Variants in CA14 observed in about 807,000 individuals in gnomAD.
The protein encoded by CA14 is carbonic anhydrase 14.
CA14 carries 44 observed loss-of-function variants against 48.8 expected under a neutral mutation model. The observed-to-expected ratio is 0.90, with a 90% confidence interval of 0.71 to 1.16. The LOEUF (loss-of-function observed/expected upper bound fraction) is 1.16, where lower values mean the gene tolerates loss of function less well. Among genes scored for constraint, CA14 ranks in the 50% most tolerant of loss-of-function variants. The pLI is 0.00. For missense variants in CA14, 386 were observed against 401.0 expected (o/e 0.96, Z 0.32); for synonymous variants, 154 against 155.0 (o/e 0.99, Z 0.05).
intron 1 of CA14, among the ~76,000 whole-genome samples, chr1:150,259,163 G>A (rs1268786691): frequency 6.6e-6 from 1 of 152,194 alleles, no homozygotes; most frequent in Non-Finnish European, 1.5e-5. Flanking sequence ...CCTTGGGCTA[G>A]CAGAATAGGT....
At chr1:150,263,567 C>T (rs985387588) in intron 8 of CA14, 92 bp from the exon 9 acceptor site, 42 of 1,611,506 alleles carry the variant, frequency 2.6e-5, no homozygotes, top group Admixed American at 5.0e-5. Flanking sequence ...AGGGTGCCCC[C>T]GGGGGATTCT....
In CA14 at chr1:150,258,049, T is replaced by TC; in HGVS notation, c.-78dup. On this transcript the variant is annotated 5_prime_UTR_variant, in exon 1 of 11. Transcript: ENST00000369111. ...CTCGCTCTCTCTCTCTCTCTCTCAC[T>TC]CCTCCCTCCCTCTCTCTCTGCCTGT... 2.0e-6 allele frequency: 2 copies of TC among 983,982 alleles called. No individual in the cohort carries two copies. Among genetic ancestry groups the TC allele is most frequent in the Admixed American group, 4.5e-5 (2 of 44,090 alleles). 61.0% of individuals were successfully genotyped at this position (983,982 alleles called of 1,614,324 possible).
chr1:150,258,800 C>T (rs1237739937), intron 1 of CA14, among the ~76,000 whole-genome samples: 7 of 152,182 alleles, frequency 4.6e-5, no homozygotes, highest in African/African-American at 1.7e-4. Context: ...CAGGCTGAAG[C>T]GCTCCAGGAG....
chr1:150,260,218 T>G, intron 2 of CA14, 47 bp downstream of exon 2: 2 of 1,593,782 alleles, frequency 1.3e-6, no homozygotes, highest in Non-Finnish European at 1.7e-6. Context: ...CACTGGGACC[T>G]CCTCACCTGG....
At chr1:150,258,234 C>T (rs370732469) in intron 1 of CA14, 51 bp downstream of exon 1, 105 of 1,498,446 alleles carry the variant, frequency 7.0e-5, no homozygotes, top group African/African-American at 6.9e-4. Flanking sequence ...GTTCACATGT[C>T]GCCAGGTGTG....
chr1:150,264,217 G>A (rs139480014), intron 10 of CA14, among the ~76,000 whole-genome samples: 12 of 144,168 alleles, frequency 8.3e-5, no homozygotes, highest in East Asian at 6.3e-4. Flanking sequence ...TGAGCCACCC[G>A]CTTTTTGAGA....
At position 150,264,727 on chromosome 1, in the gene CA14, G is replaced by T. The variant is rs782367024; in HGVS notation, c.*68G>T. 9 of 1,268,022 alleles carry T rather than the reference G, an allele frequency of 7.1e-6. No homozygotes were observed. The South Asian group carries it at 1.1e-4, about 16-fold the overall frequency. The allele number at this position is 1,268,022 out of a possible 1,614,324, so 78.5% of individuals were successfully genotyped here. On this transcript the variant is annotated 3_prime_UTR_variant, in exon 11 of 11. Transcript: ENST00000369111. ...GCCTATCAGGAAGCCTCTAAAATGG[G>T]GTGTAGGATCTGGCCAGAAACACTG...
Position 150,264,901 on chromosome 1 carries a change from G to A in CA14, c.*242G>A. The A allele has an allele frequency of 2.7e-6, 1 of 368,524 alleles. No individual in the cohort carries two copies. The highest frequency in any genetic ancestry group is 5.0e-6 in the Non-Finnish European group (1 of 201,872). The allele number at this position is 368,524 out of a possible 1,614,324, so 22.8% of individuals were successfully genotyped here. On this transcript the variant is annotated 3_prime_UTR_variant, in exon 11 of 11. Transcript: ENST00000369111. The stretch of plus-strand genomic sequence containing the variant: ...GAAATCGCTGTGTTGTTAATGCAGA[G>A]AACAAACTCTGTTTAGTTGCAGGGG...
chr1:150,263,186 T>C lies in CA14; in HGVS notation c.707T>C (p.Ile236Thr). ...LWTVFYRRSQISMEQLEKLQG... is the reference protein window; with the variant it reads ...LWTVFYRRSQTSMEQLEKLQG... The stretch of plus-strand genomic sequence containing the variant: ...ACAGTTTTTTATAGAAGGTCCCAGA[T>C]TTCAATGGAACAGGTAAGTGGTGGA... The change falls in exon 7 of 11, where the codon ATT becomes ACT. Residue 236 changes from isoleucine (I) to threonine (T), a missense_variant. Physicochemically the swap from Ile to Thr is moderately conservative, Grantham distance 89. Coordinates refer to ENST00000369111, the MANE Select transcript of CA14 (RefSeq NM_012113.3). 6.2e-7 allele frequency: 1 copy of C among 1,614,084 alleles called. No individual in the cohort carries two copies. Among genetic ancestry groups the C allele is most frequent in the Non-Finnish European group, 8.5e-7 (1 of 1,180,020 alleles).
chr1:150,262,515 C>T lies in CA14; in HGVS notation c.400-10C>T. The T allele has an allele frequency of 6.2e-7, 1 of 1,608,474 alleles. No individual in the cohort carries two copies. Among genetic ancestry groups the T allele is most frequent in the Non-Finnish European group, 8.5e-7 (1 of 1,174,906 alleles). ...CATTCCATGATTCAATTCCCTCTTC[C>T]TTCCTTTAGCTCCACATTGTACATT... On this transcript the variant is annotated splice_polypyrimidine_tract_variant and intron_variant, in intron 4 of 10. Transcript: ENST00000369111.
intron 1 of CA14, among the ~76,000 whole-genome samples, 169 bp from the exon 2 acceptor site, chr1:150,259,982 A>G (rs1051407428): frequency 6.6e-6 from 1 of 152,098 alleles, no homozygotes; most frequent in African/African-American, 2.4e-5. Flanking sequence ...CGACCTTTCC[A>G]CAGAGGTGTC....
rs782714253 is a variant in CA14 at position 150,260,148 on chromosome 1, C to T, written c.56-3C>T. 5 of 1,613,596 alleles carry T rather than the reference C, an allele frequency of 3.1e-6. No homozygotes were observed. The highest frequency in any genetic ancestry group is 2.2e-5 in the East Asian group (1 of 44,870). ...CTGTAACCCAAACTATTCTGCCTTG[C>T]AGGTCAACACTGGACGTATGAGGGT... On this transcript the variant is annotated splice_polypyrimidine_tract_variant and splice_region_variant and intron_variant, in intron 1 of 10. Transcript: ENST00000369111.
chr1:150,261,718 A>G lies in CA14; in HGVS notation c.256+80A>G, dbSNP rs1553847902. The stretch of plus-strand genomic sequence containing the variant: ...GATCCTTTTGTAGTTCATGGGCATG[A>G]TGATGGGGTGTTCCTGAGCATGCGT... On this transcript the variant is annotated intron_variant, in intron 3 of 10. Coordinates refer to ENST00000369111, the MANE Select transcript of CA14 (RefSeq NM_012113.3). 3.0e-6 allele frequency: 4 copies of G among 1,317,848 alleles called. No homozygotes were observed. The East Asian group carries it at 9.5e-5, about 31-fold the overall frequency. 81.6% of individuals were successfully genotyped at this position (1,317,848 alleles called of 1,614,324 possible). A position where few individuals can be genotyped will look rare whatever the true frequency, so the allele number is the denominator to read the frequency against.
Position 150,263,845 on chromosome 1 carries a change from T to A in CA14, c.914T>A (p.Leu305His). The A allele has an allele frequency of 6.2e-7, 1 of 1,613,676 alleles. No homozygotes were observed. Among genetic ancestry groups the A allele is most frequent in the South Asian group, 1.1e-5 (1 of 91,070 alleles). The change falls in exon 10 of 11, where the codon CTC (leucine) becomes CAC (histidine). Residue 305 changes from leucine (L) to histidine (H), a missense_variant. Transcript: ENST00000369111. ...ATCTTGGTTGGCTGTCTCTGCCTTC[T>A]CCTGGCTGTTTATTTCATTGCTAGA... ...VGILVGCLCL[L>H]LAVYFIARKI...
intron 1 of CA14, among the ~76,000 whole-genome samples, chr1:150,258,827 T>C (rs1650761916): frequency 6.6e-6 from 1 of 152,210 alleles, no homozygotes; most frequent in African/African-American, 2.4e-5. Context: ...CAGGAACTCC[T>C]AGACCTCATT....
chr1:150,261,357 A>G, intron 2 of CA14, 102 bp from the exon 3 acceptor site: 1 of 1,020,388 alleles, frequency 9.8e-7, no homozygotes, highest in South Asian at 1.5e-5. Flanking sequence ...ACCTCCACAC[A>G]GATGTATGGC....
In CA14 at chr1:150,260,166, A is replaced by T. The variant is rs182255669; in HGVS notation, c.71A>T (p.Tyr24Phe). 25 of 1,613,904 alleles carry T rather than the reference A, an allele frequency of 1.5e-5. No homozygotes were observed. The highest frequency in any genetic ancestry group is 2.1e-5 in the Non-Finnish European group (25 of 1,179,890). Residue 24 changes from tyrosine to phenylalanine, a missense_variant, in exon 2 of 11, where the codon TAT (tyrosine) becomes TTT (phenylalanine). By Grantham distance (22) the Tyr-to-Phe change is conservative. Transcript: ENST00000369111. ...TGCCTTGCAGGTCAACACTGGACGT[A>T]TGAGGGTGAGCAGATCTCAAGGCCT... ...LAADGGQHWT[Y>F]EGPHGQDHWP...
rs1650685420 is a variant in CA14 at position 150,258,022 on chromosome 1, C to T, written c.-107C>T. 6.9e-6 allele frequency: 5 copies of T among 729,524 alleles called. No individual in the cohort carries two copies. Among genetic ancestry groups the T allele is most frequent in the African/African-American group, 1.8e-5 (1 of 54,580 alleles). 45.2% of individuals were successfully genotyped at this position (729,524 alleles called of 1,614,324 possible). On this transcript the variant is annotated 5_prime_UTR_variant, in exon 1 of 11. Transcript: ENST00000369111. ...GATAAATACACTCACGCCAGGAGCT[C>T]GCTCGCTCTCTCTCTCTCTCTCTCA...
At chr1:150,258,567 G>C (rs1650738894) in intron 1 of CA14, among the ~76,000 whole-genome samples, 1 of 152,086 alleles carries the variant, frequency 6.6e-6, no homozygotes, top group South Asian at 2.1e-4. Flanking sequence ...GGAGTAAAAA[G>C]ATGGATAGAT....
Sources: gnomAD v4.1 joint callset for allele counts (sites outside exome capture counted in the v4.1 genomes callset) on GRCh38, gnomAD v4.1.1 for gene constraint, MANE v1.5 for transcripts, NCBI Gene and HGNC (gene_info 2026-07-23, HGNC 2026-07-21) for gene names.